Variants in MAPK4 observed in about 807,000 individuals in gnomAD.
MAPK4 encodes the protein mitogen-activated protein kinase 4.
In MAPK4, 22 loss-of-function variants were observed where a neutral mutation model predicts 47.7. That is an observed-to-expected ratio of 0.46 (90% CI 0.33 to 0.66). MAPK4 has a LOEUF of 0.66. Ranked by LOEUF, MAPK4 falls within the 30% of genes least tolerant of loss-of-function variation. The pLI, the probability that MAPK4 is intolerant of heterozygous loss-of-function variation, is 0.02. For missense variants in MAPK4, 736 were observed against 831.7 expected (o/e 0.88, Z 1.42); for synonymous variants, 390 against 365.7 (o/e 1.07, Z -0.76).
intron 2 of MAPK4, among the ~76,000 whole-genome samples, chr18:50,676,985 G>A (rs528260600): frequency 1.3e-5 from 2 of 152,328 alleles, no homozygotes; most frequent in South Asian, 4.1e-4. Flanking sequence ...CACACAGCAG[G>A]AGGTGAGTGG....
intron 1 of MAPK4, among the ~76,000 whole-genome samples, chr18:50,627,451 C>T (rs1021186022): frequency 2.0e-5 from 3 of 152,272 alleles, no homozygotes; most frequent in Admixed American, 6.5e-5. Context: ...AGGGGTGGCC[C>T]GAGCTCTGGA....
intron 2 of MAPK4, among the ~76,000 whole-genome samples, chr18:50,680,405 A>T (rs1280706815): frequency 6.6e-6 from 1 of 152,100 alleles, no homozygotes; most frequent in Non-Finnish European, 1.5e-5. Flanking sequence ...ACTCTTTTTA[A>T]AAACAATGTT....
Position 50,663,609 on chromosome 18 carries a change from A to G in MAPK4, c.-350A>G, listed in dbSNP as rs1193846395. 5.6e-6 allele frequency: 1 copy of G among 178,866 alleles called. No homozygotes were observed. Among genetic ancestry groups the G allele is most frequent in the Admixed American group, 5.9e-5 (1 of 17,024 alleles). 11.1% of individuals were successfully genotyped at this position (178,866 alleles called of 1,614,324 possible). On this transcript the variant is annotated 5_prime_UTR_variant, in exon 2 of 6. Coordinates refer to ENST00000400384, the MANE Select transcript of MAPK4 (RefSeq NM_002747.4). Reference sequence around the variant, plus strand: ...AGTCCACTATGGTAGAAAACTTGACATTCCATAGATAATGATACTGGGTTT... The same window carrying G: ...AGTCCACTATGGTAGAAAACTTGACGTTCCATAGATAATGATACTGGGTTT...
chr18:50,626,867 A>G (rs2042783711), intron 1 of MAPK4, among the ~76,000 whole-genome samples: 2 of 152,132 alleles, frequency 1.3e-5, no homozygotes, highest in South Asian at 2.1e-4. Flanking sequence ...GTCATTTATT[A>G]TGCAGGTGTA....
At chr18:50,621,861 C>G (rs542605872) in intron 1 of MAPK4, among the ~76,000 whole-genome samples, 3 of 152,392 alleles carry the variant, frequency 2.0e-5, no homozygotes, top group African/African-American at 7.2e-5. Flanking sequence ...GCATTTGGCA[C>G]TTAGCATTAG....
intron 1 of MAPK4, among the ~76,000 whole-genome samples, chr18:50,622,151 T>C (rs2042737856): frequency 6.6e-6 from 1 of 151,948 alleles, no homozygotes; most frequent in Non-Finnish European, 1.5e-5. Flanking sequence ...AGCCCTGAGG[T>C]GGTGATGGGG....
chr18:50,689,171 G>A (rs192937276), intron 2 of MAPK4, among the ~76,000 whole-genome samples: 37 of 143,134 alleles, frequency 2.6e-4, no homozygotes, highest in Middle Eastern at 3.5e-3. Context: ...TGAGGCGGGC[G>A]GATCACATGA....
intron 2 of MAPK4, among the ~76,000 whole-genome samples, chr18:50,707,923 G>A (rs954511436): frequency 6.6e-6 from 1 of 152,148 alleles, no homozygotes; most frequent in Admixed American, 6.5e-5. Flanking sequence ...CCCTGAAAGG[G>A]GATCAGCAGA....
chr18:50,610,395 G>A (rs974617390), intron 1 of MAPK4, among the ~76,000 whole-genome samples: 1 of 152,248 alleles, frequency 6.6e-6, no homozygotes, highest in Non-Finnish European at 1.5e-5. Context: ...CCCAGAGGCT[G>A]CTGGTACCTC....
At chr18:50,694,775 T>G (rs1909413851) in intron 2 of MAPK4, among the ~76,000 whole-genome samples, 1 of 152,126 alleles carries the variant, frequency 6.6e-6, no homozygotes, top group South Asian at 2.1e-4. Context: ...TCCCTTACTC[T>G]GCATCCACAC....
At chr18:50,650,339 T>G (rs573047141) in intron 1 of MAPK4, among the ~76,000 whole-genome samples, 26 of 137,690 alleles carry the variant, frequency 1.9e-4, no homozygotes, top group Admixed American at 6.7e-4. Flanking sequence ...ACCCCCTCCC[T>G]TTCTCTCTCC....
intron 1 of MAPK4, among the ~76,000 whole-genome samples, chr18:50,573,167 A>G (rs1472446433): frequency 1.3e-5 from 2 of 152,228 alleles, no homozygotes; most frequent in Admixed American, 6.5e-5. Flanking sequence ...TTAAATAAGC[A>G]TATTTAATAA....
At chr18:50,627,800 C>T (rs1291419805) in intron 1 of MAPK4, among the ~76,000 whole-genome samples, 2 of 152,146 alleles carry the variant, frequency 1.3e-5, no homozygotes, top group Non-Finnish European at 2.9e-5. Flanking sequence ...GTTGATTAGG[C>T]CACATCCGAG....
chr18:50,588,667 A>C (rs1598801120), intron 1 of MAPK4, among the ~76,000 whole-genome samples: 1 of 151,902 alleles, frequency 6.6e-6, no homozygotes, highest in Non-Finnish European at 1.5e-5. Context: ...TGATTCTCTC[A>C]CCTCAGCCTT....
chr18:50,616,697 A>G (rs922990260), intron 1 of MAPK4, among the ~76,000 whole-genome samples: 1 of 152,208 alleles, frequency 6.6e-6, no homozygotes, highest in African/African-American at 2.4e-5. Flanking sequence ...CAAGAGTCCA[A>G]CAGCTGAAGA....
intron 2 of MAPK4, among the ~76,000 whole-genome samples, chr18:50,710,463 A>G (rs1166481049): frequency 1.3e-5 from 2 of 151,838 alleles, no homozygotes; most frequent in South Asian, 2.1e-4. Context: ...AGCCTGGGCA[A>G]CAGAGCGAGA....
intron 2 of MAPK4, among the ~76,000 whole-genome samples, chr18:50,701,051 G>A (rs1909758977): frequency 6.6e-6 from 1 of 152,096 alleles, no homozygotes; most frequent in Admixed American, 6.5e-5. Context: ...AAACTCTCCA[G>A]CCCTCGAGAT....
intron 1 of MAPK4, among the ~76,000 whole-genome samples, chr18:50,628,992 T>C (rs758811557): frequency 2.0e-5 from 3 of 152,214 alleles, no homozygotes; most frequent in African/African-American, 7.2e-5. Context: ...GGAAACACAT[T>C]ATAGAAAGAG....
chr18:50,685,220 A>C (rs1473984145), intron 2 of MAPK4, among the ~76,000 whole-genome samples: 1 of 152,224 alleles, frequency 6.6e-6, no homozygotes, highest in Non-Finnish European at 1.5e-5. Context: ...CTTTCTTCTA[A>C]AGGCACAGAA....
Sources: gnomAD v4.1 joint callset for allele counts (sites outside exome capture counted in the v4.1 genomes callset) on GRCh38, gnomAD v4.1.1 for gene constraint, MANE v1.5 for transcripts, NCBI Gene and HGNC (gene_info 2026-07-23, HGNC 2026-07-21) for gene names.